The following IFT81 variants were observed in gnomAD, a reference collection of about 807,000 sequenced individuals.
IFT81 encodes intraflagellar transport 81.
Under a neutral mutation model 102.6 loss-of-function variants are expected in IFT81, and 72 were observed. The observed-to-expected ratio is 0.70, with a 90% CI of 0.58 to 0.85. The LOEUF (loss-of-function observed/expected upper bound fraction) is 0.85. Among genes scored for constraint, IFT81 ranks in the 40% least tolerant of loss-of-function variants. IFT81 has a pLI of 0.00. For missense variants in IFT81, 723 were observed against 787.3 expected, an observed-to-expected ratio of 0.92 and a Z score of 0.98; for synonymous variants, 237 against 242.7, an observed-to-expected ratio of 0.98 and a Z score of 0.22.
chr12:110,172,434 C>T (rs920624285), intron 11 of IFT81, among the ~76,000 whole-genome samples: 2 of 152,108 alleles, frequency 1.3e-5, no homozygotes, highest in Non-Finnish European at 2.9e-5. Context: ...CCTCTGATGC[C>T]GAGCTGAAGC....
At position 110,165,522 on chromosome 12, in the gene IFT81, A is replaced by T. The variant is rs117502674; in HGVS notation, c.1188+2457A>T. Among the ~76,000 whole-genome samples, 5 of 152,302 alleles carry T rather than the reference A, an allele frequency of 3.3e-5. No homozygotes were observed. In the East Asian group the frequency reaches 9.6e-4, roughly 29 times the overall value. Reference sequence around the variant, plus strand: ...TGATAATTAGTGGCATGGTGTTTGGAAAGAACACTATGCCAGGAATCACAT... The same window carrying T: ...TGATAATTAGTGGCATGGTGTTTGGTAAGAACACTATGCCAGGAATCACAT... On this transcript the variant is annotated intron_variant, in intron 11 of 18. Transcript: ENST00000242591.
At chr12:110,212,752 G>T (rs1360900230) in intron 18 of IFT81, among the ~76,000 whole-genome samples, 1 of 151,880 alleles carries the variant, frequency 6.6e-6, no homozygotes, top group Non-Finnish European at 1.5e-5. Flanking sequence ...CAGGAGAATT[G>T]CTTGAACCCA....
At chr12:110,183,779 G>T (rs1032634183) in intron 12 of IFT81, among the ~76,000 whole-genome samples, 3 of 152,186 alleles carry the variant, frequency 2.0e-5, no homozygotes, top group African/African-American at 7.2e-5. Flanking sequence ...ATTTGCCACT[G>T]CCCAGAGGAT....
chr12:110,180,316 G>T, intron 11 of IFT81, 106 bp from the exon 12 acceptor site: 1 of 452,060 alleles, frequency 2.2e-6, no homozygotes, highest in Non-Finnish European at 3.7e-6. Context: ...GTGACATGTT[G>T]GGAAGTAGAG....
intron 11 of IFT81, chr12:110,167,770 C>T: frequency 5.7e-6 from 1 of 174,996 alleles, no homozygotes; most frequent in Non-Finnish European, 1.2e-5. Flanking sequence ...ATATATCATA[C>T]TAGGCTTCTT....
intron 7 of IFT81, 119 bp downstream of exon 7, chr12:110,135,556 G>A (rs774662779): frequency 1.6e-6 from 1 of 610,122 alleles, no homozygotes; most frequent in East Asian, 3.0e-5. Flanking sequence ...TAACATAATG[G>A]AATACTCTTT....
At chr12:110,149,868 T>G (rs1242729521) in intron 10 of IFT81, among the ~76,000 whole-genome samples, 4 of 151,248 alleles carry the variant, frequency 2.6e-5, no homozygotes, top group African/African-American at 4.9e-5. Context: ...GTCCCGGGGG[T>G]TTTTATAGGC....
chr12:110,187,165 A>G (rs1418298302), intron 12 of IFT81, among the ~76,000 whole-genome samples: 2 of 152,154 alleles, frequency 1.3e-5, no homozygotes, highest in South Asian at 2.1e-4. Context: ...TATTTGTAAC[A>G]TTCTTCAACT....
At chr12:110,174,314 G>A (rs1162499356) in intron 11 of IFT81, among the ~76,000 whole-genome samples, 2 of 148,904 alleles carry the variant, frequency 1.3e-5, no homozygotes, top group Non-Finnish European at 3.0e-5. Context: ...AAAATTAGCC[G>A]GGTGTGGTGG....
At chr12:110,206,013 T>C (rs1338052246) in intron 17 of IFT81, among the ~76,000 whole-genome samples, 1 of 152,226 alleles carries the variant, frequency 6.6e-6, no homozygotes, top group Non-Finnish European at 1.5e-5. Flanking sequence ...GTTTTCATCA[T>C]CCCAAACAAA....
At chr12:110,125,532 C>G (rs1325257868) in intron 1 of IFT81, among the ~76,000 whole-genome samples, 1 of 152,128 alleles carries the variant, frequency 6.6e-6, no homozygotes, top group Non-Finnish European at 1.5e-5. Context: ...GTAGCTGGGA[C>G]TACCGGCGCC....
At chr12:110,211,080 T>C (rs934190607) in intron 18 of IFT81, among the ~76,000 whole-genome samples, 12 of 150,748 alleles carry the variant, frequency 8.0e-5, no homozygotes, top group Middle Eastern at 3.4e-3. Flanking sequence ...CCCAGGCTCT[T>C]AATCTCCTGG....
intron 12 of IFT81, among the ~76,000 whole-genome samples, chr12:110,190,094 A>G (rs553753843): frequency 6.6e-6 from 1 of 152,280 alleles, no homozygotes; most frequent in East Asian, 1.9e-4. Flanking sequence ...TGAACCTTTC[A>G]ACAGCTGCCT....
intron 18 of IFT81, among the ~76,000 whole-genome samples, chr12:110,212,954 G>A (rs765204681): frequency 1.1e-4 from 16 of 152,062 alleles, no homozygotes; most frequent in Non-Finnish European, 2.2e-4. Context: ...GCCTTGTTTT[G>A]TCTATAATCT....
At position 110,162,911 on chromosome 12, in the gene IFT81, T is replaced by G. The variant is rs1285450723; in HGVS notation, c.1042-8T>G. On this transcript the variant is annotated splice_polypyrimidine_tract_variant and splice_region_variant and intron_variant, in intron 10 of 18. Coordinates refer to ENST00000242591, the MANE Select transcript of IFT81 (RefSeq NM_014055.4). ...CTTATTATACCTTCATATTTAATGCTCAATCAGGCATCTATCATTTCCCGT... is the reference window on the plus strand; with the variant it reads ...CTTATTATACCTTCATATTTAATGCGCAATCAGGCATCTATCATTTCCCGT... 1.3e-6 allele frequency: 2 copies of G among 1,599,462 alleles called. No homozygotes were observed. The highest frequency in any genetic ancestry group is 1.7e-6 in the Non-Finnish European group (2 of 1,174,058).
intron 9 of IFT81, 51 bp downstream of exon 9, chr12:110,143,596 C>A: frequency 1.4e-6 from 2 of 1,422,756 alleles, no homozygotes; most frequent in South Asian, 1.4e-5. Flanking sequence ...GATCCCCAGT[C>A]CTATAAAATT....
chr12:110,151,264 G>T (rs1194791931), intron 10 of IFT81, among the ~76,000 whole-genome samples: 3 of 152,044 alleles, frequency 2.0e-5, no homozygotes, highest in Admixed American at 6.5e-5. Context: ...TCATATAAAT[G>T]GAATATTTTA....
chr12:110,178,168 C>G (rs1170156083), intron 11 of IFT81, among the ~76,000 whole-genome samples: 1 of 148,834 alleles, frequency 6.7e-6, no homozygotes, highest in Non-Finnish European at 1.5e-5. Context: ...AATCCCAGCA[C>G]TTTGGGAGGC....
intron 12 of IFT81, among the ~76,000 whole-genome samples, chr12:110,181,275 A>C (rs1332869811): frequency 6.6e-6 from 1 of 152,234 alleles, no homozygotes; most frequent in African/African-American, 2.4e-5. Context: ...CTGAAAATTT[A>C]CTGTGAATCA....
Sources: gnomAD v4.1 joint callset for allele counts (sites outside exome capture counted in the v4.1 genomes callset) on GRCh38, gnomAD v4.1.1 for gene constraint, MANE v1.5 for transcripts, NCBI Gene and HGNC (gene_info 2026-07-23, HGNC 2026-07-21) for gene names.